The following SEMA6D variants were observed in gnomAD, a reference collection of about 807,000 sequenced individuals.
SEMA6D encodes semaphorin-6D.
In SEMA6D, 35 loss-of-function variants were observed where a neutral mutation model predicts 106.6. That is an observed-to-expected ratio of 0.33 (90% CI 0.25 to 0.44). SEMA6D has a LOEUF of 0.44. Among genes scored for constraint, SEMA6D ranks in the 20% least tolerant of loss-of-function variants. SEMA6D has a pLI of 1.00. For synonymous variants in SEMA6D, 499 were observed against 487.7 expected (o/e 1.02, Z -0.31); for missense variants, 1,185 against 1,345.9 (o/e 0.88, Z 1.87).
chr15:47,582,348 T>C (rs1237630135), intron 3 of SEMA6D, among the ~76,000 whole-genome samples: 1 of 152,196 alleles, frequency 6.6e-6, no homozygotes, highest in Admixed American at 6.5e-5. Context: ...CTGAAAGAAG[T>C]TGTAGAATTT....
intron 3 of SEMA6D, among the ~76,000 whole-genome samples, chr15:47,536,248 A>G (rs1474410438): frequency 1.3e-5 from 2 of 152,190 alleles, no homozygotes; most frequent in African/African-American, 2.4e-5. Flanking sequence ...ACAAAGGAGG[A>G]GTTCCACCAT....
intron 2 of SEMA6D, among the ~76,000 whole-genome samples, chr15:47,420,572 T>C (rs1331293046): frequency 1.3e-5 from 2 of 152,098 alleles, no homozygotes; most frequent in Non-Finnish European, 2.9e-5. Context: ...GCATTGCAAG[T>C]CCTAGTGGCC....
intron 1 of SEMA6D, among the ~76,000 whole-genome samples, chr15:47,341,886 C>G (rs562540281): frequency 6.6e-6 from 1 of 152,214 alleles, no homozygotes; most frequent in South Asian, 2.1e-4. Context: ...CCTTTCCCTC[C>G]TTTCACCTGC....
chr15:47,314,597 C>CAAAAAAAAAAAA lies in SEMA6D; in HGVS notation c.-238-97786_-238-97775dup, dbSNP rs764929520. On this transcript the variant is annotated intron_variant, in intron 1 of 19. Transcript: ENST00000558014. Reference sequence around the variant, plus strand: ...TGGGCGACAGAGCGAGACTCCATCTCAAAAAAAAAAAAAAAAAAAAAGAAT... The same window carrying CAAAAAAAAAAAA: ...TGGGCGACAGAGCGAGACTCCATCTCAAAAAAAAAAAAAAAAAAAAAAAAAAAAAAAAAGAAT... Among the ~76,000 whole-genome samples the CAAAAAAAAAAAA allele has an allele frequency of 5.5e-3, 134 of 24,242 alleles. 5 individuals are homozygous for CAAAAAAAAAAAA. Among genetic ancestry groups the CAAAAAAAAAAAA allele is most frequent in the Non-Finnish European group, 0.013 (112 of 8,670 alleles). The allele number at this position is 24,242 out of a possible 152,430, so 15.9% of individuals were successfully genotyped here. A position where few individuals can be genotyped will look rare whatever the true frequency, so the allele number is the denominator to read the frequency against.
intron 3 of SEMA6D, among the ~76,000 whole-genome samples, chr15:47,518,358 G>A (rs1449854915): frequency 6.6e-6 from 1 of 152,186 alleles, no homozygotes; most frequent in East Asian, 1.9e-4. Flanking sequence ...ATGAGGGTGG[G>A]AAGCTCTTTG....
intron 1 of SEMA6D, among the ~76,000 whole-genome samples, chr15:47,383,372 G>A (rs281264): frequency 0.5 from 75,503 of 152,108 alleles, 22,405 homozygotes; most frequent in Non-Finnish European, 0.65. Flanking sequence ...TGAGACGATA[G>A]TGCCTCCCAT....
At position 47,771,336 on chromosome 15, in the gene SEMA6D, C is replaced by T. The variant is rs763322765; in HGVS notation, c.2773C>T (p.Arg925Trp). Residue 925 changes from arginine to tryptophan, a missense_variant, in exon 19 of 19, where the codon CGG becomes TGG. Arg to Trp is a moderately radical substitution (Grantham distance 101, BLOSUM62 -3). Coordinates refer to ENST00000536845, the MANE Select transcript of SEMA6D (RefSeq NM_001358351.3). ...MSEVPPKVPNREASLYSPPST... is the reference protein window; with the variant it reads ...MSEVPPKVPNWEASLYSPPST... ...TGAGGTCCCACCTAAAGTCCCTAAC[C>T]GGGAGGCATCGCTATACTCCCCTCC... 17 of 1,613,834 alleles carry T rather than the reference C, an allele frequency of 1.1e-5. No individual in the cohort carries two copies. Among genetic ancestry groups the T allele is most frequent in the Admixed American group, 1.0e-4 (6 of 59,988 alleles).
chr15:47,697,323 G>A (rs16959932), intron 4 of SEMA6D, among the ~76,000 whole-genome samples: 2,229 of 152,190 alleles, frequency 0.015, 62 homozygotes, highest in African/African-American at 0.05. Context: ...GAATTCTGGC[G>A]TTTAATAATT....
chr15:47,578,243 C>G (rs908877898), intron 3 of SEMA6D, among the ~76,000 whole-genome samples: 1 of 152,154 alleles, frequency 6.6e-6, no homozygotes, highest in Admixed American at 6.5e-5. Context: ...ATCAATGAGA[C>G]TTATTGAATG....
chr15:47,260,145 C>A (rs2034004728), intron 1 of SEMA6D, among the ~76,000 whole-genome samples: 1 of 151,504 alleles, frequency 6.6e-6, no homozygotes, highest in South Asian at 2.1e-4. Context: ...AATATTATAC[C>A]TTCAAAATCC....
intron 4 of SEMA6D, among the ~76,000 whole-genome samples, chr15:47,648,041 A>G (rs575508418): frequency 6.6e-6 from 1 of 152,302 alleles, no homozygotes. Context: ...CACAATATTT[A>G]TATGTAATAT....
intron 1 of SEMA6D, among the ~76,000 whole-genome samples, chr15:47,367,692 G>GCGCACA (rs1219759915): frequency 1.1e-4 from 8 of 73,408 alleles, no homozygotes; most frequent in African/African-American, 2.5e-4. Flanking sequence ...GCGCGCGCGC[G>GCGCACA]CACACACACA....
intron 2 of SEMA6D, among the ~76,000 whole-genome samples, chr15:47,447,417 C>G (rs957683364): frequency 2.2e-4 from 33 of 152,072 alleles, no homozygotes; most frequent in African/African-American, 7.7e-4. Context: ...ATCAATCATG[C>G]CTATGCAATG....
intron 4 of SEMA6D, among the ~76,000 whole-genome samples, chr15:47,683,807 G>T (rs1232532953): frequency 1.3e-5 from 2 of 152,182 alleles, no homozygotes; most frequent in Non-Finnish European, 1.5e-5. Context: ...ATGGCTGAGT[G>T]AAATATTGAC....
chr15:47,669,624 CA>C (rs1176557777), intron 4 of SEMA6D, among the ~76,000 whole-genome samples: 3 of 152,198 alleles, frequency 2.0e-5, no homozygotes, highest in Admixed American at 2.0e-4. Context: ...ATTTCACTTT[CA>C]AAAGATGACC....
chr15:47,199,202 C>T (rs143535793), intron 1 of SEMA6D, among the ~76,000 whole-genome samples: 46 of 152,206 alleles, frequency 3.0e-4, no homozygotes, highest in African/African-American at 1.1e-3. Flanking sequence ...GTTAAATAGA[C>T]CTATTGGCTA....
At chr15:47,219,117 A>T (rs11856940) in intron 1 of SEMA6D, among the ~76,000 whole-genome samples, 64,196 of 151,970 alleles carry the variant, frequency 0.42, 14,571 homozygotes, top group African/African-American at 0.57. Flanking sequence ...AATCTTTTTG[A>T]CCCTGGTAGA....
rs558550476 is a variant in SEMA6D, at chr15:47,378,862, G to A, written c.-238-33531G>A. Reference sequence around the variant, plus strand: ...GTTTATATCTTGCTTTCAGACATAAGCTGGACATTATGGAAACCACATTGA... The same window carrying A: ...GTTTATATCTTGCTTTCAGACATAAACTGGACATTATGGAAACCACATTGA... On this transcript the variant is annotated intron_variant, in intron 1 of 19. Coordinates refer to the SEMA6D transcript ENST00000558014. 1.1e-4 allele frequency among the ~76,000 whole-genome samples: 17 copies of A among 152,324 alleles called. No individual in the cohort carries two copies. In the South Asian group the frequency reaches 3.5e-3, roughly 32 times the overall value.
chr15:47,527,966 G>T (rs922981825), intron 3 of SEMA6D, among the ~76,000 whole-genome samples: 1 of 152,112 alleles, frequency 6.6e-6, no homozygotes, highest in African/African-American at 2.4e-5. Context: ...AAAAGCTCCT[G>T]TGCTATGTAA....
Sources: gnomAD v4.1 joint callset for allele counts (sites outside exome capture counted in the v4.1 genomes callset) on GRCh38, gnomAD v4.1.1 for gene constraint, MANE v1.5 for transcripts, NCBI Gene and HGNC (gene_info 2026-07-23, HGNC 2026-07-21) for gene names.